Variants in TMEM178B observed in about 807,000 individuals in gnomAD.
TMEM178B encodes transmembrane protein 178B.
Under a neutral mutation model 31.0 loss-of-function variants are expected in TMEM178B, and 5 were observed. That is an observed-to-expected ratio of 0.16 (90% CI 0.08 to 0.34). The LOEUF is 0.34. TMEM178B is among the 10% of genes least tolerant of loss of function. TMEM178B has a pLI of 1.00. For missense variants in TMEM178B, 275 were observed against 400.3 expected, an observed-to-expected ratio of 0.69 and a Z score of 2.67; for synonymous variants, 164 against 164.0, an observed-to-expected ratio of 1.00 and a Z score of 0.00.
intron 2 of TMEM178B, among the ~76,000 whole-genome samples, chr7:141,338,961 A>T (rs909477577): frequency 1.3e-5 from 2 of 152,202 alleles, no homozygotes; most frequent in Non-Finnish European, 2.9e-5. Context: ...TGCCTATTAA[A>T]ATGTAAATTG....
At chr7:141,327,732 A>G (rs952788653) in intron 2 of TMEM178B, among the ~76,000 whole-genome samples, 1 of 152,138 alleles carries the variant, frequency 6.6e-6, no homozygotes, top group African/African-American at 2.4e-5. Flanking sequence ...GAATGAATTA[A>G]TGTCATTATT....
At chr7:141,204,958 C>A (rs1219969490) in intron 1 of TMEM178B, among the ~76,000 whole-genome samples, 1 of 151,964 alleles carries the variant, frequency 6.6e-6, no homozygotes, top group Non-Finnish European at 1.5e-5. Flanking sequence ...GTAGCTAAGA[C>A]CACAGGTGTG....
At position 141,475,813 on chromosome 7, in the gene TMEM178B, C is replaced by G. The variant is rs982815212; in HGVS notation, c.*5027C>G. 1 of 151,500 alleles carries G rather than the reference C, an allele frequency of 6.6e-6. No individual in the cohort carries two copies. The highest frequency in any genetic ancestry group is 1.5e-5 in the Non-Finnish European group (1 of 67,956). 9.4% of individuals were successfully genotyped at this position (151,500 alleles called of 1,614,324 possible). On this transcript the variant is annotated 3_prime_UTR_variant, in exon 4 of 4. Transcript: ENST00000565468. ...CTTTTTTTTTTTGGTCAGTTGCCAT[C>G]TCAATCTAATCATAGATGTAAGAAT...
At chr7:141,334,916 G>A (rs1458152849) in intron 2 of TMEM178B, among the ~76,000 whole-genome samples, 2 of 152,192 alleles carry the variant, frequency 1.3e-5, no homozygotes, top group African/African-American at 4.8e-5. Context: ...GTAAAGATTT[G>A]GAAAACGGTT....
chr7:141,442,219 C>A (rs1209366595), intron 3 of TMEM178B, among the ~76,000 whole-genome samples: 3 of 152,080 alleles, frequency 2.0e-5, no homozygotes, highest in Non-Finnish European at 4.4e-5. Flanking sequence ...CATCAAGACC[C>A]CTCTCACACA....
intron 1 of TMEM178B, among the ~76,000 whole-genome samples, chr7:141,161,796 AAG>A (rs1052839234): frequency 4.6e-5 from 7 of 151,302 alleles, no homozygotes; most frequent in African/African-American, 1.7e-4. Context: ...TTTGTGTGTG[AAG>A]AGTGTGTATG....
At chr7:141,380,277 C>T (rs1435027363) in intron 2 of TMEM178B, among the ~76,000 whole-genome samples, 2 of 151,980 alleles carry the variant, frequency 1.3e-5, no homozygotes, top group East Asian at 3.9e-4. Flanking sequence ...GTTCACTGTG[C>T]ACAAAATCTA....
chr7:141,503,749 T>G, the TMEM178B span, among the ~76,000 whole-genome samples: 1 of 152,236 alleles, frequency 6.6e-6, no homozygotes, highest in Non-Finnish European at 1.5e-5. Flanking sequence ...TGTGTGATTA[T>G]AGCTATATAT....
intron 2 of TMEM178B, among the ~76,000 whole-genome samples, chr7:141,381,248 C>T (rs1185771681): frequency 6.6e-6 from 1 of 152,202 alleles, no homozygotes; most frequent in African/African-American, 2.4e-5. Flanking sequence ...TCCAATTCTC[C>T]TCTCATGGCC....
At chr7:141,100,633 A>G (rs550433035) in intron 1 of TMEM178B, among the ~76,000 whole-genome samples, 2 of 152,354 alleles carry the variant, frequency 1.3e-5, no homozygotes, top group Admixed American at 1.3e-4. Context: ...TTCATCAAAT[A>G]TTAAATAGAA....
chr7:141,141,036 C>A (rs1795759834), intron 1 of TMEM178B, among the ~76,000 whole-genome samples: 1 of 152,154 alleles, frequency 6.6e-6, no homozygotes, highest in African/African-American at 2.4e-5. Context: ...AGTTACACTT[C>A]CCCTCCTTTA....
chr7:141,396,892 G>C (rs1800667553), intron 2 of TMEM178B, among the ~76,000 whole-genome samples: 1 of 152,210 alleles, frequency 6.6e-6, no homozygotes. Flanking sequence ...CATCAATTCT[G>C]TATGGGGACA....
At chr7:141,211,048 G>A (rs1797045092) in intron 1 of TMEM178B, among the ~76,000 whole-genome samples, 1 of 152,086 alleles carries the variant, frequency 6.6e-6, no homozygotes, top group Non-Finnish European at 1.5e-5. Flanking sequence ...TGGGGTTGGA[G>A]GTGTGAATGT....
At chr7:141,447,506 C>T (rs529708092) in intron 3 of TMEM178B, among the ~76,000 whole-genome samples, 4 of 152,138 alleles carry the variant, frequency 2.6e-5, no homozygotes, top group Middle Eastern at 3.4e-3. Flanking sequence ...GCCTCAGAGG[C>T]GTGGGCAGGG....
chr7:141,145,493 G>A (rs1795836668), intron 1 of TMEM178B, among the ~76,000 whole-genome samples: 1 of 151,890 alleles, frequency 6.6e-6, no homozygotes, highest in Admixed American at 6.5e-5. Flanking sequence ...CAGAAAGATG[G>A]CCTTTGTTTA....
intron 2 of TMEM178B, among the ~76,000 whole-genome samples, chr7:141,424,757 G>T (rs765871450): frequency 1.3e-5 from 2 of 152,132 alleles, no homozygotes; most frequent in Non-Finnish European, 2.9e-5. Context: ...AGATACACCC[G>T]CAGTACTCAG....
chr7:141,392,397 C>T (rs1414000730), intron 2 of TMEM178B, among the ~76,000 whole-genome samples: 2 of 152,200 alleles, frequency 1.3e-5, no homozygotes, highest in African/African-American at 4.8e-5. Flanking sequence ...CTAACAAGTG[C>T]TAATATTTTG....
intron 1 of TMEM178B, among the ~76,000 whole-genome samples, chr7:141,131,055 C>A (rs1795586612): frequency 2.6e-5 from 4 of 152,176 alleles, no homozygotes; most frequent in Admixed American, 6.5e-5. Flanking sequence ...CTTGCCTGGA[C>A]CTGGTAGACT....
intron 1 of TMEM178B, among the ~76,000 whole-genome samples, chr7:141,195,508 A>G (rs1796767511): frequency 6.6e-6 from 1 of 152,140 alleles, no homozygotes; most frequent in East Asian, 1.9e-4. Context: ...CTCAGCGTGG[A>G]CCTTATTGTT....
Sources: gnomAD v4.1 joint callset for allele counts (sites outside exome capture counted in the v4.1 genomes callset) on GRCh38, gnomAD v4.1.1 for gene constraint, MANE v1.5 for transcripts, NCBI Gene and HGNC (gene_info 2026-07-23, HGNC 2026-07-21) for gene names.